The following ZNF503 variants were observed in gnomAD, a reference collection of about 807,000 sequenced individuals.
The protein encoded by ZNF503 is NocA-like zinc finger 2.
In ZNF503, 15 loss-of-function variants were observed where a neutral mutation model predicts 34.4. The ratio of observed to expected loss-of-function variants is 0.44; its 90% CI spans 0.29 to 0.67. The LOEUF is 0.67. Among genes scored for constraint, ZNF503 ranks in the 30% least tolerant of loss-of-function variants. ZNF503 has a pLI of 0.13. For synonymous variants in ZNF503, 580 were observed against 456.8 expected, an observed-to-expected ratio of 1.27 and a Z score of -3.44; for missense variants, 1,007 against 926.8, an observed-to-expected ratio of 1.09 and a Z score of -1.12.
the ZNF503 span, among the ~76,000 whole-genome samples, chr10:75,369,981 C>T: frequency 6.6e-6 from 1 of 151,764 alleles, no homozygotes; most frequent in Non-Finnish European, 1.5e-5. Context: ...ACAGGAGAAT[C>T]GCTTGAACCC....
the ZNF503 span, among the ~76,000 whole-genome samples, chr10:75,372,125 T>A: frequency 6.6e-6 from 1 of 152,154 alleles, no homozygotes; most frequent in Non-Finnish European, 1.5e-5. Context: ...AGAGACAGGG[T>A]TTCACCATGT....
chr10:75,390,294 T>C, the ZNF503 span, among the ~76,000 whole-genome samples: 1 of 151,922 alleles, frequency 6.6e-6, no homozygotes, highest in Non-Finnish European at 1.5e-5. Flanking sequence ...TCCTCTTTAT[T>C]TCCATCTCTC....
chr10:75,298,363 C>T, the ZNF503 span, among the ~76,000 whole-genome samples: 1 of 152,188 alleles, frequency 6.6e-6, no homozygotes, highest in African/African-American at 2.4e-5. Flanking sequence ...CTTTTCCCTC[C>T]CTTTAGTCCT....
the ZNF503 span, among the ~76,000 whole-genome samples, chr10:75,282,726 G>A: frequency 6.6e-6 from 1 of 152,180 alleles, no homozygotes; most frequent in African/African-American, 2.4e-5. Context: ...ATGAATCCTA[G>A]TTTGGGCTCT....
At chr10:75,299,000 A>G in the ZNF503 span, 1 of 150,714 alleles carries the variant, frequency 6.6e-6, no homozygotes, top group South Asian at 2.1e-4. Context: ...GGTGTGATCT[A>G]GGCTCACTGC....
the ZNF503 span, among the ~76,000 whole-genome samples, chr10:75,374,551 G>A: frequency 1.3e-5 from 2 of 152,062 alleles, no homozygotes; most frequent in Non-Finnish European, 2.9e-5. Flanking sequence ...TTACCCGAAG[G>A]TCAGAGAGGC....
At chr10:75,338,590 G>A in the ZNF503 span, among the ~76,000 whole-genome samples, 1 of 152,188 alleles carries the variant, frequency 6.6e-6, no homozygotes, top group South Asian at 2.1e-4. Context: ...TTGTTTCCCT[G>A]ACCTCTCTGG....
chr10:75,390,938 C>T, the ZNF503 span, among the ~76,000 whole-genome samples: 1 of 152,128 alleles, frequency 6.6e-6, no homozygotes. Flanking sequence ...AGATGGCTGC[C>T]TTCTTACATG....
At position 75,400,378 on chromosome 10, in the gene ZNF503, C is replaced by CG. The variant is rs575791215; in HGVS notation, c.316-5dup. The CG allele has an allele frequency of 1.6e-4, 253 of 1,596,332 alleles. 1 individual carries two copies. The East Asian group carries it at 3.8e-3, about 24-fold the overall frequency. ...GCGGGCTCTTCTTGGCATCGAGCTG[C>CG]GGGGTCAGACGATGGGGGGGGAGCG... On this transcript the variant is annotated splice_polypyrimidine_tract_variant and splice_region_variant and intron_variant, in intron 1 of 1. Transcript: ENST00000372524.
chr10:75,342,267 C>T, the ZNF503 span, among the ~76,000 whole-genome samples: 8 of 152,236 alleles, frequency 5.3e-5, no homozygotes, highest in East Asian at 7.7e-4. Context: ...CAGACAGACG[C>T]GGTCACACAC....
At chr10:75,320,532 T>C in the ZNF503 span, among the ~76,000 whole-genome samples, 1 of 151,884 alleles carries the variant, frequency 6.6e-6, no homozygotes, top group South Asian at 2.1e-4. Flanking sequence ...TACAGCAATA[T>C]ATAGGCTGGG....
the ZNF503 span, among the ~76,000 whole-genome samples, chr10:75,359,847 G>A: frequency 1.3e-5 from 2 of 152,114 alleles, no homozygotes; most frequent in Admixed American, 6.5e-5. Context: ...TAACCCTCTT[G>A]TCTTCACCTG....
At chr10:75,301,712 A>G in the ZNF503 span, among the ~76,000 whole-genome samples, 1 of 152,022 alleles carries the variant, frequency 6.6e-6, no homozygotes, top group Non-Finnish European at 1.5e-5. Context: ...ATCATGATCT[A>G]TTTCAGAAAA....
chr10:75,282,870 A>G, the ZNF503 span, among the ~76,000 whole-genome samples: 2 of 152,136 alleles, frequency 1.3e-5, no homozygotes, highest in African/African-American at 4.8e-5. Context: ...AAATCACTGG[A>G]TATAAAGTAG....
At chr10:75,375,477 GAA>G in the ZNF503 span, among the ~76,000 whole-genome samples, 2 of 152,056 alleles carry the variant, frequency 1.3e-5, no homozygotes, top group South Asian at 2.1e-4. Flanking sequence ...CTTATGTTTT[GAA>G]AAGTTTTCCA....
chr10:75,353,880 G>A, the ZNF503 span, among the ~76,000 whole-genome samples: 6 of 152,220 alleles, frequency 3.9e-5, no homozygotes, highest in Non-Finnish European at 7.3e-5. Context: ...CAATAGATGC[G>A]AGAGTGGAAC....
the ZNF503 span, among the ~76,000 whole-genome samples, chr10:75,368,441 A>G: frequency 6.6e-6 from 1 of 152,236 alleles, no homozygotes; most frequent in Non-Finnish European, 1.5e-5. Flanking sequence ...ATAAGATGAA[A>G]GGAGAAAGAA....
chr10:75,398,802 A>G lies in ZNF503; in HGVS notation c.1888T>C (p.Tyr630His). 6.8e-7 allele frequency: 1 copy of G among 1,479,854 alleles called. No homozygotes were observed. Among genetic ancestry groups the G allele is most frequent in the Non-Finnish European group, 8.9e-7 (1 of 1,120,796 alleles). The allele number at this position is 1,479,854 out of a possible 1,614,324, so 91.7% of individuals were successfully genotyped here. The change falls in exon 2 of 2, where the codon TAC becomes CAC. Residue 630 changes from tyrosine (Y) to histidine (H), a missense_variant. Physicochemically the swap from Tyr to His is moderately conservative, Grantham distance 83. Transcript: ENST00000372524. ...PAATGPYYSP[Y>H]ALYGQRLTTA... Reference sequence around the variant, plus strand: ...GTCAGTCTCTGTCCGTAGAGGGCGTAGGGGGAGTAGTACGGTCCGGTGGCG... The same window carrying G: ...GTCAGTCTCTGTCCGTAGAGGGCGTGGGGGGAGTAGTACGGTCCGGTGGCG...
rs1319457093 is a variant in ZNF503 at position 75,398,627 on chromosome 10, C to T, written c.*122G>A. 3 of 928,090 alleles carry T rather than the reference C, an allele frequency of 3.2e-6. No individual in the cohort carries two copies. Among genetic ancestry groups the T allele is most frequent in the Non-Finnish European group, 2.8e-6 (2 of 701,908 alleles). The allele number at this position is 928,090 out of a possible 1,614,324, so 57.5% of individuals were successfully genotyped here. On this transcript the variant is annotated 3_prime_UTR_variant, in exon 2 of 2. Coordinates refer to ENST00000372524, the MANE Select transcript of ZNF503 (RefSeq NM_032772.6). ...GATAGATACGGTATACATTTCTTTC[C>T]TTTCGTGGCCCGAGTCCTCCCCACG...
Sources: gnomAD v4.1 joint callset for allele counts (sites outside exome capture counted in the v4.1 genomes callset) on GRCh38, gnomAD v4.1.1 for gene constraint, MANE v1.5 for transcripts, NCBI Gene and HGNC (gene_info 2026-07-23, HGNC 2026-07-21) for gene names.